FBXO42: variants seen among roughly 807,000 people sequenced by gnomAD.
FBXO42 encodes F-box only protein 42.
In FBXO42, 12 loss-of-function variants were observed where a neutral mutation model predicts 71.7. That is an observed-to-expected ratio of 0.17 (90% CI 0.11 to 0.27). The LOEUF (loss-of-function observed/expected upper bound fraction) is 0.27. Ranked by LOEUF, FBXO42 falls within the 10% of genes least tolerant of loss-of-function variation. FBXO42 has a pLI of 1.00. For missense variants in FBXO42, 707 were observed against 911.9 expected (o/e 0.78, Z 2.89); for synonymous variants, 325 against 327.5 (o/e 0.99, Z 0.08).
At chr1:16,328,204 TG>T (rs1471281895) in intron 1 of FBXO42, among the ~76,000 whole-genome samples, 3 of 152,076 alleles carry the variant, frequency 2.0e-5, no homozygotes, top group Non-Finnish European at 4.4e-5. Flanking sequence ...CTCAGGAGGC[TG>T]GGGGATCCTA....
chr1:16,308,740 G>GTTTTTTT (rs35488648), intron 2 of FBXO42, among the ~76,000 whole-genome samples: 6 of 80,638 alleles, frequency 7.4e-5, no homozygotes, highest in African/African-American at 1.5e-4. Flanking sequence ...CCCCATCTCT[G>GTTTTTTT]TTTTTTTTTT....
chr1:16,282,110 T>C (rs2081970160), intron 4 of FBXO42, among the ~76,000 whole-genome samples: 1 of 152,102 alleles, frequency 6.6e-6, no homozygotes, highest in South Asian at 2.1e-4. Context: ...CCTAATTTAC[T>C]GTAATAACAC....
chr1:16,305,349 C>T (rs2082238692), intron 3 of FBXO42, among the ~76,000 whole-genome samples: 1 of 152,104 alleles, frequency 6.6e-6, no homozygotes, highest in African/African-American at 2.4e-5. Context: ...GATCACACCA[C>T]CATATCACAG....
chr1:16,311,624 G>A lies in FBXO42; in HGVS notation c.250+3545C>T, dbSNP rs191865125. On this transcript the variant is annotated intron_variant, in intron 2 of 9. Coordinates refer to ENST00000375592, the MANE Select transcript of FBXO42 (RefSeq NM_018994.3). Reference sequence around the variant, plus strand: ...GTAACACATAAGCGCATGAAAATACGCTCCATATCATTTGTCATCAGGGAA... The same window carrying A: ...GTAACACATAAGCGCATGAAAATACACTCCATATCATTTGTCATCAGGGAA... 1.7e-4 allele frequency among the ~76,000 whole-genome samples: 26 copies of A among 150,622 alleles called. No individual in the cohort carries two copies. In the East Asian group the frequency reaches 4.5e-3, roughly 26 times the overall value.
rs755833426 is a variant in FBXO42 at position 16,251,009 on chromosome 1, C to A, written c.1815G>T (p.Gly605=). The A allele has an allele frequency of 9.3e-6, 15 of 1,614,200 alleles. No individual in the cohort carries two copies. Among genetic ancestry groups the A allele is most frequent in the Non-Finnish European group, 1.3e-5 (15 of 1,180,038 alleles). ...AGGAATGTCCATCTCCTTGGGCAGG[C>A]CCTGGGCGAGGGATGGGCACTGTTT... ...SGETVPIPRP[G]PAQGDGHSLP... is the part of the protein sequence containing the mutation. Residue 605 remains glycine, a synonymous_variant, in exon 10 of 10, where the codon GGG becomes GGT. Coordinates refer to ENST00000375592, the MANE Select transcript of FBXO42 (RefSeq NM_018994.3). This position sits in a 1 kb window ranked among gnomAD's most constrained non-coding sequence, Gnocchi z 4.5.
intron 1 of FBXO42, among the ~76,000 whole-genome samples, chr1:16,331,834 T>C (rs190105987): frequency 6.2e-4 from 94 of 152,090 alleles, no homozygotes; most frequent in African/African-American, 2.2e-3. Flanking sequence ...GCAGATCACC[T>C]GAGGTCAGGA....
chr1:16,308,705 T>C (rs1404082073), intron 2 of FBXO42, among the ~76,000 whole-genome samples: 1 of 151,180 alleles, frequency 6.6e-6, no homozygotes, highest in Non-Finnish European at 1.5e-5. Flanking sequence ...GAGATGGAGG[T>C]TGACCATGTT....
In FBXO42 at chr1:16,247,076, C is replaced by T. The variant is rs2081541408; in HGVS notation, c.*3594G>A. 6.6e-6 allele frequency: 1 copy of T among 152,218 alleles called. No homozygotes were observed. The highest frequency in any genetic ancestry group is 2.4e-5 in the African/African-American group (1 of 41,446). The allele number at this position is 152,218 out of a possible 1,614,324, so 9.4% of individuals were successfully genotyped here. Reference sequence around the variant, plus strand: ...CACATGGGGTGTGCACTGACATGAACCCTGGTTGGAGGGAGGGGAGCAGAG... The same window carrying T: ...CACATGGGGTGTGCACTGACATGAATCCTGGTTGGAGGGAGGGGAGCAGAG... On this transcript the variant is annotated 3_prime_UTR_variant, in exon 10 of 10. Transcript: ENST00000375592.
chr1:16,281,670 T>A (rs541649021), intron 4 of FBXO42, among the ~76,000 whole-genome samples: 1 of 150,942 alleles, frequency 6.6e-6, no homozygotes. Context: ...CTTTCTTTTT[T>A]TTTTTTGAGA....
intron 1 of FBXO42, among the ~76,000 whole-genome samples, chr1:16,340,614 C>A (rs1055639210): frequency 6.6e-6 from 1 of 152,072 alleles, no homozygotes; most frequent in East Asian, 1.9e-4. Context: ...CCACTGCGCC[C>A]GGCCAACCCT....
intron 1 of FBXO42, among the ~76,000 whole-genome samples, chr1:16,341,515 G>A (rs1041419949): frequency 4.0e-5 from 6 of 150,800 alleles, no homozygotes; most frequent in East Asian, 3.9e-4. Context: ...CAGGAGAATC[G>A]CTTGAACCTG....
Position 16,251,928 on chromosome 1 carries a change from C to T in FBXO42, c.1039-143G>A. ...ATGAAGATGAAAATGATGTAGTCTG[C>T]CCTCTAGGCTAGAAGTCAGACATGG... On this transcript the variant is annotated intron_variant, in intron 9 of 9. Transcript: ENST00000375592. This position sits in a 1 kb window ranked among gnomAD's most constrained non-coding sequence, Gnocchi z 4.5. The T allele has an allele frequency of 9.2e-7, 1 of 1,083,330 alleles. No individual in the cohort carries two copies. Among genetic ancestry groups the T allele is most frequent in the Non-Finnish European group, 1.3e-6 (1 of 771,892 alleles). 67.1% of individuals were successfully genotyped at this position (1,083,330 alleles called of 1,614,324 possible).
At chr1:16,264,945 G>GT (rs1284530901) in intron 4 of FBXO42, among the ~76,000 whole-genome samples, 1 of 152,124 alleles carries the variant, frequency 6.6e-6, no homozygotes, top group African/African-American at 2.4e-5. Flanking sequence ...CCAAATCCTA[G>GT]TTTGATTTCT....
chr1:16,283,327 G>T (rs1352055892), intron 4 of FBXO42, among the ~76,000 whole-genome samples: 6 of 152,000 alleles, frequency 3.9e-5, no homozygotes, highest in Non-Finnish European at 8.8e-5. Flanking sequence ...TTGCATGTGT[G>T]ACTGAAAGGG....
intron 4 of FBXO42, among the ~76,000 whole-genome samples, chr1:16,279,858 T>TTTTC (rs1557581750): frequency 6.9e-6 from 1 of 145,078 alleles, no homozygotes; most frequent in African/African-American, 2.5e-5. Context: ...TTTTTTCTTT[T>TTTTC]TTTTTTGAGA....
chr1:16,345,258 C>T (rs1001969313), intron 1 of FBXO42, among the ~76,000 whole-genome samples: 1 of 149,896 alleles, frequency 6.7e-6, no homozygotes, highest in African/African-American at 2.5e-5. Context: ...CCCATCTCTA[C>T]TAAAAATACA....
intron 1 of FBXO42, among the ~76,000 whole-genome samples, chr1:16,335,397 A>T (rs2082543614): frequency 6.6e-6 from 1 of 152,100 alleles, no homozygotes; most frequent in African/African-American, 2.4e-5. Context: ...ATTGGCATCC[A>T]AAAGTGCTGG....
At chr1:16,345,590 C>T (rs539388329) in intron 1 of FBXO42, among the ~76,000 whole-genome samples, 5 of 152,178 alleles carry the variant, frequency 3.3e-5, no homozygotes, top group Non-Finnish European at 7.4e-5. Context: ...TGGCTCACGC[C>T]TGTAATCCCA....
chr1:16,257,051 G>A (rs377554905), intron 4 of FBXO42, among the ~76,000 whole-genome samples: 10 of 152,106 alleles, frequency 6.6e-5, no homozygotes, highest in Non-Finnish European at 1.2e-4. Context: ...TATCTCATAA[G>A]GCTGTTTTGA....
Sources: gnomAD v4.1 joint callset for allele counts (sites outside exome capture counted in the v4.1 genomes callset) on GRCh38, gnomAD v4.1.1 for gene constraint, Gnocchi (gnomAD v3.1) non-coding constraint, MANE v1.5 for transcripts, NCBI Gene and HGNC (gene_info 2026-07-23, HGNC 2026-07-21) for gene names.